CCDC178: variants seen among roughly 807,000 people sequenced by gnomAD.
CCDC178 encodes the protein coiled-coil domain-containing protein 178.
A neutral mutation model predicts 117.4 loss-of-function variants in CCDC178; 126 were observed. That is an observed-to-expected ratio of 1.07 (90% CI 0.93 to 1.24). The LOEUF (loss-of-function observed/expected upper bound fraction) is 1.24. Among genes scored for constraint, CCDC178 ranks in the 50% most tolerant of loss-of-function variants. The pLI is 0.00. For missense variants in CCDC178, 1,030 were observed against 986.9 expected (o/e 1.04, Z -0.59); for synonymous variants, 283 against 313.4 (o/e 0.90, Z 1.02).
At chr18:33,321,905 T>C (rs2062515642) in intron 11 of CCDC178, among the ~76,000 whole-genome samples, 1 of 151,932 alleles carries the variant, frequency 6.6e-6, no homozygotes, top group African/African-American at 2.4e-5. Context: ...ACAACAGATA[T>C]ATCTAAAATA....
intron 5 of CCDC178, among the ~76,000 whole-genome samples, chr18:33,383,143 A>G (rs924595968): frequency 6.6e-6 from 1 of 152,178 alleles, no homozygotes; most frequent in Non-Finnish European, 1.5e-5. Flanking sequence ...CTGCTTCTTT[A>G]GATCCCTCCT....
rs1015118433 is a variant in CCDC178, at chr18:33,095,133, ATTC to A, written c.2239-2226_2239-2224del. On this transcript the variant is annotated intron_variant, in intron 20 of 22. Transcript: ENST00000383096. ...CATAAAAGGATAACTGGAATGTAGA[ATTC>A]TTCTTTTTTTTCACTTCTTTTATTT... 1.3e-4 allele frequency among the ~76,000 whole-genome samples: 20 copies of A among 152,058 alleles called. No homozygotes were observed. The East Asian group carries it at 1.9e-3, about 15-fold the overall frequency.
intron 20 of CCDC178, among the ~76,000 whole-genome samples, chr18:33,126,750 C>G (rs942769652): frequency 6.6e-6 from 1 of 151,954 alleles, no homozygotes; most frequent in Admixed American, 6.6e-5. Flanking sequence ...CCTCTGCCTC[C>G]TGGGTTTAAG....
intron 20 of CCDC178, among the ~76,000 whole-genome samples, chr18:33,109,021 G>A (rs577488637): frequency 2.4e-4 from 36 of 151,648 alleles, no homozygotes; most frequent in Middle Eastern, 3.4e-3. Flanking sequence ...GGTGTGTAAT[G>A]GCACAGTCAT....
In CCDC178 at chr18:33,231,997, C is replaced by T. The variant is rs1032870617; in HGVS notation, c.1594-5142G>A. On this transcript the variant is annotated intron_variant, in intron 15 of 22. Transcript: ENST00000383096. ...ATGGCAAACTTTTTTTGTAAAGGGC[C>T]AGATAGTAAATATTTTAAGCTTTGC... is the stretch of plus-strand genomic sequence containing the variant. 4.6e-5 allele frequency among the ~76,000 whole-genome samples: 7 copies of T among 152,168 alleles called. No homozygotes were observed. In the East Asian group the frequency reaches 1.2e-3, roughly 25 times the overall value.
chr18:33,087,881 A>G (rs2057405017), intron 21 of CCDC178, among the ~76,000 whole-genome samples: 1 of 152,108 alleles, frequency 6.6e-6, no homozygotes, highest in South Asian at 2.1e-4. Flanking sequence ...ACTGATATTG[A>G]CTCCTAAGCA....
intron 21 of CCDC178, among the ~76,000 whole-genome samples, chr18:33,083,729 T>A (rs1278033307): frequency 6.6e-6 from 1 of 152,222 alleles, no homozygotes; most frequent in African/African-American, 2.4e-5. Context: ...GTAAAAATAT[T>A]AAGTTCATGT....
intron 20 of CCDC178, among the ~76,000 whole-genome samples, chr18:33,174,131 G>C (rs545862161): frequency 6.6e-6 from 1 of 152,260 alleles, no homozygotes; most frequent in East Asian, 1.9e-4. Flanking sequence ...GAAGGCAAAG[G>C]GGGAGCAGGT....
chr18:33,070,118 G>T (rs1468603770), intron 21 of CCDC178, among the ~76,000 whole-genome samples: 4 of 152,010 alleles, frequency 2.6e-5, no homozygotes, highest in African/African-American at 4.8e-5. Context: ...CCGTATGGAA[G>T]TTCCTCGAAA....
rs2062609334 is a variant in CCDC178 at position 33,328,082 on chromosome 18, G to GTTTTTTTTTTTTTTTTTTTTTTTT, written c.880-4450_880-4449insAAAAAAAAAAAAAAAAAAAAAAAA. On this transcript the variant is annotated intron_variant, in intron 10 of 22. Transcript: ENST00000383096. ...CCAAGGTCATAAAGATTTATCCCTA[G>GTTTTTTTTTTTTTTTTTTTTTTTT]ATTTTTTTTTTTTTTTTTTTTTTTT... The GTTTTTTTTTTTTTTTTTTTTTTTT allele has an allele frequency of 5.0e-5, 12 of 242,036 alleles. 2 individuals carry two copies. The highest frequency in any genetic ancestry group is 4.0e-4 in the African/African-American group (12 of 30,354). The allele number at this position is 242,036 out of a possible 1,614,324, so 15.0% of individuals were successfully genotyped here.
At chr18:33,105,646 T>TA (rs1425938685) in intron 20 of CCDC178, among the ~76,000 whole-genome samples, 2 of 151,670 alleles carry the variant, frequency 1.3e-5, no homozygotes, top group Non-Finnish European at 3.0e-5. Flanking sequence ...TTTTACAACA[T>TA]AAAAACACAG....
At chr18:33,066,167 T>G (rs963125538) in intron 21 of CCDC178, among the ~76,000 whole-genome samples, 2 of 152,102 alleles carry the variant, frequency 1.3e-5, no homozygotes, top group Non-Finnish European at 2.9e-5. Context: ...GGCCTGTTAG[T>G]TTTCAAAAAT....
At chr18:32,967,206 T>C (rs192164730) in intron 22 of CCDC178, among the ~76,000 whole-genome samples, 21 of 151,832 alleles carry the variant, frequency 1.4e-4, no homozygotes, top group Admixed American at 9.9e-4. Context: ...CTCTTTGCAA[T>C]TGAATCACAA....
chr18:33,251,689 C>T (rs1568089549), intron 14 of CCDC178, among the ~76,000 whole-genome samples: 4 of 151,664 alleles, frequency 2.6e-5, no homozygotes, highest in African/African-American at 9.7e-5. Flanking sequence ...ACAAGGTCTC[C>T]TCTCTCAAGT....
chr18:33,030,304 A>G (rs1383596652), intron 21 of CCDC178, among the ~76,000 whole-genome samples: 1 of 152,048 alleles, frequency 6.6e-6, no homozygotes, highest in East Asian at 1.9e-4. Flanking sequence ...GCTGTTGTAT[A>G]ATACATCATT....
intron 6 of CCDC178, among the ~76,000 whole-genome samples, chr18:33,358,522 T>C (rs1425468219): frequency 6.6e-6 from 1 of 151,862 alleles, no homozygotes; most frequent in African/African-American, 2.4e-5. Flanking sequence ...GGATATGGTA[T>C]GGCTGATTTA....
chr18:33,052,973 A>T (rs2144932789), intron 21 of CCDC178, among the ~76,000 whole-genome samples: 2 of 152,286 alleles, frequency 1.3e-5, no homozygotes, highest in South Asian at 4.1e-4. Context: ...CTAAAGCTGG[A>T]CAAATAGAGA....
chr18:33,210,628 G>A (rs1390630088), intron 20 of CCDC178, among the ~76,000 whole-genome samples: 1 of 152,016 alleles, frequency 6.6e-6, no homozygotes, highest in Non-Finnish European at 1.5e-5. Flanking sequence ...GTGAGGTGGG[G>A]AAGAATGCTT....
chr18:33,089,947 T>C (rs2057437958), intron 21 of CCDC178, among the ~76,000 whole-genome samples: 2 of 152,324 alleles, frequency 1.3e-5, no homozygotes, highest in East Asian at 3.9e-4. Context: ...ATTGGATTAT[T>C]TTCTATCATT....
Sources: gnomAD v4.1 joint callset for allele counts (sites outside exome capture counted in the v4.1 genomes callset) on GRCh38, gnomAD v4.1.1 for gene constraint, MANE v1.5 for transcripts, NCBI Gene and HGNC (gene_info 2026-07-23, HGNC 2026-07-21) for gene names.